The following TAFA2 variants were observed in gnomAD, a reference collection of about 807,000 sequenced individuals.
TAFA2 encodes the protein chemokine-like protein TAFA-2.
TAFA2 carries 7 observed loss-of-function variants against 18.8 expected under a neutral mutation model. The ratio of observed to expected loss-of-function variants is 0.37; its 90% CI spans 0.21 to 0.70. The LOEUF is 0.70. TAFA2 is among the 30% of genes least tolerant of loss of function. The probability of loss-of-function intolerance (pLI) is 0.53; values close to 1 mark genes in which losing one functional copy is unlikely to be tolerated. For synonymous variants in TAFA2, 60 were observed against 54.2 expected (o/e 1.11, Z -0.47); for missense variants, 122 against 158.1 (o/e 0.77, Z 1.23).
chr12:61,810,320 G>GTT (rs5798617), intron 2 of TAFA2, among the ~76,000 whole-genome samples: 15 of 137,440 alleles, frequency 1.1e-4, no homozygotes, highest in South Asian at 2.3e-4. Flanking sequence ...CCATTACTTT[G>GTT]TTTTTTTTTT....
chr12:62,167,986 C>A (rs77932081), intron 1 of TAFA2, among the ~76,000 whole-genome samples: 3,396 of 152,256 alleles, frequency 0.022, 144 homozygotes, highest in African/African-American at 0.076. Context: ...AATTCATAAT[C>A]ATACTTTCTT....
At position 61,958,426 on chromosome 12, in the gene TAFA2, G is replaced by A. The variant is rs539189559; in HGVS notation, c.-1-91000C>T. On this transcript the variant is annotated intron_variant, in intron 1 of 4. Coordinates refer to ENST00000416284, the MANE Select transcript of TAFA2 (RefSeq NM_178539.5). Reference sequence around the variant, plus strand: ...ATTTTTCTAGAGACTTTTTGAAAGCGTCCATTTATATCAACAATAGATAAG... The same window carrying A: ...ATTTTTCTAGAGACTTTTTGAAAGCATCCATTTATATCAACAATAGATAAG... Among the ~76,000 whole-genome samples, 23 of 151,968 alleles carry A rather than the reference G, an allele frequency of 1.5e-4. No homozygotes were observed. The South Asian group carries it at 1.9e-3, about 12-fold the overall frequency.
chr12:62,085,863 T>C (rs1868429030), intron 1 of TAFA2, among the ~76,000 whole-genome samples: 1 of 152,150 alleles, frequency 6.6e-6, no homozygotes. Flanking sequence ...TGGAGGTGAC[T>C]AGATCATGGG....
At chr12:62,211,859 T>C (rs2062715725) in intron 1 of TAFA2, among the ~76,000 whole-genome samples, 1 of 152,226 alleles carries the variant, frequency 6.6e-6, no homozygotes, top group Non-Finnish European at 1.5e-5. Context: ...ACTTGAGTTA[T>C]TCAAAATTCC....
chr12:62,200,220 T>G (rs531808757), intron 1 of TAFA2, among the ~76,000 whole-genome samples: 1 of 152,364 alleles, frequency 6.6e-6, no homozygotes, highest in South Asian at 2.1e-4. Flanking sequence ...CTCACTCTGA[T>G]GATAGTTTCT....
chr12:62,114,843 GT>G (rs1480768724), intron 1 of TAFA2, among the ~76,000 whole-genome samples: 1 of 152,120 alleles, frequency 6.6e-6, no homozygotes, highest in East Asian at 1.9e-4. Context: ...ATTTGTACAG[GT>G]TGCTTTTCTT....
chr12:62,233,176 G>A (rs1399281834), intron 1 of TAFA2, among the ~76,000 whole-genome samples: 2 of 130,494 alleles, frequency 1.5e-5, no homozygotes, highest in African/African-American at 2.9e-5. Flanking sequence ...CGCCTCCCAC[G>A]TTCAAGTGAT....
chr12:62,088,173 T>C (rs1868537647), intron 1 of TAFA2, among the ~76,000 whole-genome samples: 1 of 152,094 alleles, frequency 6.6e-6, no homozygotes, highest in African/African-American at 2.4e-5. Flanking sequence ...ATTAACAGTA[T>C]TGTTAATGAA....
chr12:61,745,287 G>A (rs954446289), intron 4 of TAFA2, among the ~76,000 whole-genome samples: 1 of 152,014 alleles, frequency 6.6e-6, no homozygotes, highest in African/African-American at 2.4e-5. Flanking sequence ...TAGGACAAAA[G>A]TTTAAGTCAG....
At chr12:61,797,929 A>G (rs1319092477) in intron 2 of TAFA2, among the ~76,000 whole-genome samples, 1 of 152,190 alleles carries the variant, frequency 6.6e-6, no homozygotes, top group Non-Finnish European at 1.5e-5. Flanking sequence ...TACATTTTAT[A>G]TCATATACAG....
At chr12:62,140,594 G>A (rs773659595) in intron 1 of TAFA2, among the ~76,000 whole-genome samples, 2 of 152,110 alleles carry the variant, frequency 1.3e-5, no homozygotes, top group Non-Finnish European at 2.9e-5. Flanking sequence ...CTTCATAAAG[G>A]TTAATCTCTA....
chr12:61,965,083 C>T (rs916269748), intron 1 of TAFA2, among the ~76,000 whole-genome samples: 2 of 151,820 alleles, frequency 1.3e-5, no homozygotes, highest in African/African-American at 2.4e-5. Flanking sequence ...AAAAGGTTAG[C>T]TTCTATGAAA....
chr12:61,903,624 A>G (rs796072445), intron 1 of TAFA2, among the ~76,000 whole-genome samples: 73 of 152,282 alleles, frequency 4.8e-4, no homozygotes, highest in African/African-American at 1.7e-3. Flanking sequence ...TTAATACCAA[A>G]TAACCACCAA....
chr12:62,009,709 T>C (rs1304747600), intron 1 of TAFA2, among the ~76,000 whole-genome samples: 1 of 152,220 alleles, frequency 6.6e-6, no homozygotes, highest in Non-Finnish European at 1.5e-5. Flanking sequence ...AATCAGAGAA[T>C]TCTATTCCTT....
intron 2 of TAFA2, among the ~76,000 whole-genome samples, chr12:61,816,946 T>C (rs894470279): frequency 7.3e-5 from 11 of 151,300 alleles, no homozygotes; most frequent in African/African-American, 2.7e-4. Flanking sequence ...ATTGTAATAG[T>C]ATGCCTTTGA....
upstream of TAFA2, among the ~76,000 whole-genome samples, chr12:62,195,606 G>A (rs1398047380): frequency 2.6e-5 from 4 of 152,208 alleles, no homozygotes; most frequent in Non-Finnish European, 5.9e-5. Context: ...GCTGTTGGAT[G>A]ACCAAATGTA....
At chr12:61,999,401 G>A (rs1055602620) in intron 1 of TAFA2, among the ~76,000 whole-genome samples, 2 of 152,182 alleles carry the variant, frequency 1.3e-5, no homozygotes, top group South Asian at 4.1e-4. Context: ...AGATAAGAAA[G>A]CAAAAGGACA....
At chr12:62,074,408 A>G (rs547040383) in intron 1 of TAFA2, among the ~76,000 whole-genome samples, 49 of 152,344 alleles carry the variant, frequency 3.2e-4, no homozygotes, top group African/African-American at 1.2e-3. Context: ...CTCTACTGCA[A>G]TTTAATTGTT....
At chr12:62,035,241 C>G (rs1881567007) in intron 1 of TAFA2, among the ~76,000 whole-genome samples, 1 of 152,204 alleles carries the variant, frequency 6.6e-6, no homozygotes, top group Non-Finnish European at 1.5e-5. Context: ...GCACAAAGCA[C>G]TATGCTGGCC....
Sources: allele counts gnomAD v4.1 joint callset (sites outside exome capture counted in the v4.1 genomes callset), GRCh38; gene constraint gnomAD v4.1.1; transcripts MANE v1.5; gene names NCBI Gene and HGNC (gene_info 2026-07-23, HGNC 2026-07-21).